The following FOCAD variants were observed in gnomAD, a reference collection of about 807,000 sequenced individuals.
FOCAD encodes the protein focadhesin.
FOCAD carries 198 observed loss-of-function variants against 225.6 expected under a neutral mutation model. That is an observed-to-expected ratio of 0.88 (90% CI 0.78 to 0.99). The LOEUF (loss-of-function observed/expected upper bound fraction) is 0.99, where lower values mean the gene tolerates loss of function less well. Among genes scored for constraint, FOCAD ranks in the 50% least tolerant of loss-of-function variants. The pLI is 0.00. For missense variants in FOCAD, 2,713 were observed against 2,123.6 expected (o/e 1.28, Z -5.46); for synonymous variants, 897 against 755.0 (o/e 1.19, Z -3.08).
chr9:20,721,766 C>T (rs547208740), intron 4 of FOCAD, among the ~76,000 whole-genome samples: 2 of 152,160 alleles, frequency 1.3e-5, no homozygotes, highest in South Asian at 2.1e-4. Context: ...TAAATAACCC[C>T]TAGCCTTTTA....
intron 15 of FOCAD, among the ~76,000 whole-genome samples, chr9:20,844,020 A>G (rs927512992): frequency 6.6e-6 from 1 of 152,164 alleles, no homozygotes; most frequent in Non-Finnish European, 1.5e-5. Context: ...CTTGCTTTCT[A>G]AGCCAACTCC....
chr9:20,872,318 G>A (rs549010377), intron 18 of FOCAD, among the ~76,000 whole-genome samples: 19 of 152,238 alleles, frequency 1.2e-4, no homozygotes, highest in African/African-American at 4.3e-4. Context: ...CTTGTATTAA[G>A]TAATTAGGTT....
chr9:20,782,291 G>T (rs892358797), intron 10 of FOCAD, among the ~76,000 whole-genome samples: 8 of 152,162 alleles, frequency 5.3e-5, no homozygotes, highest in Non-Finnish European at 1.2e-4. Context: ...TGCTAGATCT[G>T]AGATAATCCA....
intron 19 of FOCAD, chr9:20,875,136 ACTT>A: frequency 8.3e-6 from 2 of 242,414 alleles, no homozygotes; most frequent in East Asian, 2.6e-4. Flanking sequence ...TTTAAACAAT[ACTT>A]CTTTCTTACA....
At chr9:20,738,296 C>T (rs1827314761) in intron 4 of FOCAD, among the ~76,000 whole-genome samples, 1 of 152,188 alleles carries the variant, frequency 6.6e-6, no homozygotes, top group Non-Finnish European at 1.5e-5. Context: ...TTTCTTGAGG[C>T]AATTACACTT....
At chr9:20,931,947 A>G (rs1373395473) in intron 27 of FOCAD, among the ~76,000 whole-genome samples, 1 of 151,814 alleles carries the variant, frequency 6.6e-6, no homozygotes, top group African/African-American at 2.4e-5. Flanking sequence ...AAATCATTTC[A>G]ATTTTTGCTA....
chr9:20,738,545 G>C (rs1396144748), intron 4 of FOCAD, among the ~76,000 whole-genome samples: 4 of 152,204 alleles, frequency 2.6e-5, no homozygotes, highest in Non-Finnish European at 5.9e-5. Context: ...ACACAGGAGA[G>C]AAACTATACA....
At chr9:20,949,564 T>TTGG in intron 32 of FOCAD, 40 bp from the exon 33 acceptor site, 2 of 929,934 alleles carry the variant, frequency 2.2e-6, no homozygotes, top group South Asian at 1.8e-5. Context: ...AACTTTTTTA[T>TTGG]GGGGGTGGGT....
intron 35 of FOCAD, among the ~76,000 whole-genome samples, chr9:20,965,155 A>G (rs1295454776): frequency 1.3e-5 from 2 of 152,210 alleles, no homozygotes; most frequent in African/African-American, 2.4e-5. Context: ...ATGGAAAAGT[A>G]TGGAAAGAAA....
intron 21 of FOCAD, among the ~76,000 whole-genome samples, chr9:20,899,592 C>A (rs1209876088): frequency 6.6e-6 from 1 of 151,922 alleles, no homozygotes; most frequent in East Asian, 1.9e-4. Flanking sequence ...GACTTCCAAG[C>A]TCCTTACAGG....
At chr9:20,930,686 AG>A (rs1184031900) in intron 27 of FOCAD, among the ~76,000 whole-genome samples, 1 of 152,216 alleles carries the variant, frequency 6.6e-6, no homozygotes, top group African/African-American at 2.4e-5. Flanking sequence ...TTCAGCTCTT[AG>A]AAACATCTGT....
At chr9:20,848,658 A>G (rs892197820) in intron 15 of FOCAD, among the ~76,000 whole-genome samples, 25 of 151,948 alleles carry the variant, frequency 1.6e-4, no homozygotes, top group Admixed American at 3.9e-4. Context: ...AAAAATCACT[A>G]TAAACCACAG....
At chr9:20,826,990 C>T (rs1473254863) in intron 15 of FOCAD, among the ~76,000 whole-genome samples, 1 of 152,092 alleles carries the variant, frequency 6.6e-6, no homozygotes, top group East Asian at 1.9e-4. Context: ...TGTCTTAATA[C>T]AGAATAATGG....
intron 21 of FOCAD, among the ~76,000 whole-genome samples, chr9:20,903,438 A>G (rs960502887): frequency 2.0e-5 from 3 of 151,886 alleles, no homozygotes; most frequent in Non-Finnish European, 4.4e-5. Flanking sequence ...TGCTACCTAC[A>G]GTCTATTGTC....
intron 39 of FOCAD, among the ~76,000 whole-genome samples, chr9:20,984,951 CCATCATGCCTGGCTAA>C (rs1432222895): frequency 2.6e-5 from 4 of 152,328 alleles, no homozygotes; most frequent in Middle Eastern, 3.4e-3. Context: ...CAGGCATCCA[CCATCATGCCTGGCTAA>C]TTTTTATATT....
intron 2 of FOCAD, among the ~76,000 whole-genome samples, chr9:20,668,914 C>T (rs1186402673): frequency 1.3e-5 from 2 of 152,188 alleles, no homozygotes; most frequent in Admixed American, 6.5e-5. Flanking sequence ...GCACGCTCCC[C>T]GTTTTCTCCT....
intron 32 of FOCAD, 64 bp from the exon 33 acceptor site, chr9:20,949,540 G>T: frequency 9.9e-7 from 1 of 1,015,202 alleles, no homozygotes. Flanking sequence ...TCATGCACCG[G>T]GAATATAACT....
intron 21 of FOCAD, among the ~76,000 whole-genome samples, chr9:20,899,552 G>T (rs12342819): frequency 2.6e-5 from 4 of 151,858 alleles, no homozygotes; most frequent in South Asian, 2.1e-4. Flanking sequence ...AGTTTGTTCA[G>T]CTTTTTACTT....
In FOCAD at chr9:20,820,883, A is replaced by G. The variant is rs7033201; in HGVS notation, c.1663-58A>G. On this transcript the variant is annotated intron_variant, in intron 13 of 43. Coordinates refer to ENST00000338382, the MANE Select transcript of FOCAD (RefSeq NM_001375567.1). ...GGTGAAAATGCTGAGTAAAAGGAAG[A>G]TAATGATTATTCAACTCAAGTTGGG... 8.7e-3 allele frequency: 13,814 copies of G among 1,580,114 alleles called. 939 individuals carry two copies. The African/African-American group carries it at 0.15, about 18-fold the overall frequency.
Sources: gnomAD v4.1 joint callset for allele counts (sites outside exome capture counted in the v4.1 genomes callset) on GRCh38, gnomAD v4.1.1 for gene constraint, MANE v1.5 for transcripts, NCBI Gene and HGNC (gene_info 2026-07-23, HGNC 2026-07-21) for gene names.